Variants in ZNF578 observed in about 807,000 individuals in gnomAD.
ZNF578 encodes zinc finger protein 578.
A neutral mutation model predicts 8.3 loss-of-function variants in ZNF578; 8 were observed. That is an observed-to-expected ratio of 0.96 (90% CI 0.56 to 1.74). ZNF578 has a LOEUF of 1.74. Ranked by LOEUF, ZNF578 falls within the 40% of genes most tolerant of loss-of-function variation. ZNF578 has a pLI of 0.00. For missense variants in ZNF578, 726 were observed against 707.5 expected (o/e 1.03, Z -0.30); for synonymous variants, 206 against 232.2 (o/e 0.89, Z 1.03).
In ZNF578 at chr19:52,511,764, C is replaced by CA. The variant is rs1200693659; in HGVS notation, c.1384dup (p.Arg462LysfsTer10). 1.2e-6 allele frequency: 2 copies of CA among 1,612,990 alleles called. No homozygotes were observed. Among genetic ancestry groups the CA allele is most frequent in the Non-Finnish European group, 1.7e-6 (2 of 1,179,814 alleles). On this transcript the variant is annotated frameshift_variant, in exon 6 of 6. Coordinates refer to ENST00000421239, the MANE Select transcript of ZNF578 (RefSeq NM_001099694.2). LOFTEE classifies it low-confidence loss of function (END_TRUNC). Reference sequence around the variant, plus strand: ...AATCTTACAAATGTGAAGAATGTGACAGAGTTTTCAGTCAGAAATCAAACC... The same window carrying CA: ...AATCTTACAAATGTGAAGAATGTGACAAGAGTTTTCAGTCAGAAATCAAACC...
intron 2 of ZNF578, among the ~76,000 whole-genome samples, chr19:52,459,356 C>T (rs1399295186): frequency 6.6e-6 from 1 of 151,984 alleles, no homozygotes; most frequent in Non-Finnish European, 1.5e-5. Context: ...AGTATTTGTC[C>T]TTTTGTGACT....
At chr19:52,459,769 A>AT (rs1164629700) in intron 2 of ZNF578, among the ~76,000 whole-genome samples, 467 of 17,614 alleles carry the variant, frequency 0.027, 116 homozygotes, top group East Asian at 0.19. Context: ...ATATATATAT[A>AT]TTTTTTTTTT....
chr19:52,471,693 C>T (rs575675335), intron 2 of ZNF578, among the ~76,000 whole-genome samples: 7 of 152,260 alleles, frequency 4.6e-5, no homozygotes, highest in African/African-American at 1.2e-4. Context: ...TCCATAAAGC[C>T]TCATTATGTA....
chr19:52,489,989 G>A (rs1951488576), intron 2 of ZNF578, among the ~76,000 whole-genome samples: 1 of 152,162 alleles, frequency 6.6e-6, no homozygotes, highest in African/African-American at 2.4e-5. Context: ...GACACCATCT[G>A]CAGAAACATC....
chr19:52,481,352 T>A (rs1282351906), intron 2 of ZNF578, among the ~76,000 whole-genome samples: 1 of 152,186 alleles, frequency 6.6e-6, no homozygotes, highest in Admixed American at 6.5e-5. Context: ...AACGCGGGAA[T>A]TAAAGACAAA....
intron 2 of ZNF578, among the ~76,000 whole-genome samples, chr19:52,483,286 A>T (rs1302981627): frequency 2.0e-5 from 3 of 151,916 alleles, no homozygotes; most frequent in Non-Finnish European, 1.5e-5. Context: ...GTGGTGGCGC[A>T]TGCCTGTAAT....
rs1369087314 is a variant in ZNF578, at chr19:52,512,181, A to C, written c.*27A>C. On this transcript the variant is annotated 3_prime_UTR_variant, in exon 6 of 6. Coordinates refer to ENST00000421239, the MANE Select transcript of ZNF578 (RefSeq NM_001099694.2). ...CTTCATACTGGAGAGAAACCTTACAAATGTGAAGCATGTGACAAAGTTTTC... is the reference window on the plus strand; with the variant it reads ...CTTCATACTGGAGAGAAACCTTACACATGTGAAGCATGTGACAAAGTTTTC... 1.9e-6 allele frequency: 3 copies of C among 1,613,834 alleles called. No homozygotes were observed. Among genetic ancestry groups the C allele is most frequent in the Non-Finnish European group, 2.5e-6 (3 of 1,179,944 alleles).
chr19:52,494,386 A>G (rs2059378381), intron 3 of ZNF578, among the ~76,000 whole-genome samples: 1 of 151,990 alleles, frequency 6.6e-6, no homozygotes, highest in Non-Finnish European at 1.5e-5. Flanking sequence ...AATTTCAGCT[A>G]CTCTGTAGGC....
At chr19:52,498,227 GCT>G (rs1283230549) in intron 3 of ZNF578, among the ~76,000 whole-genome samples, 1 of 150,728 alleles carries the variant, frequency 6.6e-6, no homozygotes, top group African/African-American at 2.4e-5. Context: ...CATGATCTCA[GCT>G]CTCTGCAACC....
intron 4 of ZNF578, among the ~76,000 whole-genome samples, chr19:52,503,414 C>G (rs2059414349): frequency 6.6e-6 from 1 of 152,182 alleles, no homozygotes; most frequent in Non-Finnish European, 1.5e-5. Flanking sequence ...GGCGGGATCT[C>G]AGCTCACTGC....
chr19:52,501,629 C>T (rs1041834964), intron 3 of ZNF578, among the ~76,000 whole-genome samples, 198 bp from the exon 4 acceptor site: 3 of 150,552 alleles, frequency 2.0e-5, no homozygotes, highest in Admixed American at 6.6e-5. Flanking sequence ...AGGAGGGGGG[C>T]GAGATCTGAA....
Position 52,514,984 on chromosome 19 carries a change from T to G in ZNF578, c.*2830T>G, listed in dbSNP as rs748825358. Among the ~76,000 whole-genome samples the G allele has an allele frequency of 8.6e-5, 12 of 138,746 alleles. No homozygotes were observed. Among genetic ancestry groups the G allele is most frequent in the Non-Finnish European group, 1.4e-4 (9 of 64,386 alleles). 91.0% of individuals were successfully genotyped at this position (138,746 alleles called of 152,430 possible). On this transcript the variant is annotated 3_prime_UTR_variant, in exon 6 of 6. Transcript: ENST00000421239. ...ACTCTTTTTTTTTTTTTTTTTTAGA[T>G]GGAGTTTTGCTTTTGTTGCTGAGGC... is the stretch of plus-strand genomic sequence containing the variant.
At chr19:52,496,431 G>A (rs1365653514) in intron 3 of ZNF578, among the ~76,000 whole-genome samples, 3 of 142,746 alleles carry the variant, frequency 2.1e-5, no homozygotes, top group South Asian at 2.3e-4. Flanking sequence ...CCGGGTTCAC[G>A]CCATTCTCCT....
At chr19:52,462,009 A>G (rs2059259750) in intron 2 of ZNF578, among the ~76,000 whole-genome samples, 1 of 152,160 alleles carries the variant, frequency 6.6e-6, no homozygotes, top group African/African-American at 2.4e-5. Flanking sequence ...TATCATTCTG[A>G]TTGGTACAAT....
chr19:52,486,136 G>T (rs547041718), intron 2 of ZNF578, among the ~76,000 whole-genome samples: 6 of 152,256 alleles, frequency 3.9e-5, no homozygotes, highest in South Asian at 2.1e-4. Context: ...TGAGACATGC[G>T]GGCAGCAATA....
chr19:52,510,355 T>A (rs1488352277), intron 5 of ZNF578, among the ~76,000 whole-genome samples: 1 of 152,202 alleles, frequency 6.6e-6, no homozygotes, highest in Non-Finnish European at 1.5e-5. Flanking sequence ...CAGTGTTTTG[T>A]CATGATATAG....
rs2059446741 is a variant in ZNF578 at position 52,511,539 on chromosome 19, T to G, written c.1158T>G (p.Leu386=). Residue 386 remains leucine (L), a synonymous_variant, in exon 6 of 6, where the codon CTT becomes CTG. Coordinates refer to ENST00000421239, the MANE Select transcript of ZNF578 (RefSeq NM_001099694.2). ...CGKMFGQNST[L]VIHKAIHTGE... Reference sequence around the variant, plus strand: ...AGATGTTTGGTCAAAATTCAACCCTTGTAATTCATAAGGCAATTCATACTG... The same window carrying G: ...AGATGTTTGGTCAAAATTCAACCCTGGTAATTCATAAGGCAATTCATACTG... The G allele has an allele frequency of 6.2e-7, 1 of 1,613,788 alleles. No homozygotes were observed. The highest frequency in any genetic ancestry group is 8.5e-7 in the Non-Finnish European group (1 of 1,179,750).
At chr19:52,495,267 C>T (rs371570989) in intron 3 of ZNF578, among the ~76,000 whole-genome samples, 6 of 143,390 alleles carry the variant, frequency 4.2e-5, no homozygotes, top group African/African-American at 1.3e-4. Flanking sequence ...AGAGTTGAAG[C>T]GATTCTCCTG....
rs182698499 is a variant in ZNF578, at chr19:52,513,822, C to G, written c.*1668C>G. Among the ~76,000 whole-genome samples the G allele has an allele frequency of 6.6e-6, 1 of 151,424 alleles. No individual in the cohort carries two copies. Among genetic ancestry groups the G allele is most frequent in the Admixed American group, 6.6e-5 (1 of 15,214 alleles). ...GAGTGGATCATCTAAGATCAGAGTT[C>G]AAGAGCACCCTGGCTAACATGGTGA... On this transcript the variant is annotated 3_prime_UTR_variant, in exon 6 of 6. Coordinates refer to ENST00000421239, the MANE Select transcript of ZNF578 (RefSeq NM_001099694.2).
Sources: gnomAD v4.1 joint callset for allele counts (sites outside exome capture counted in the v4.1 genomes callset) on GRCh38, gnomAD v4.1.1 for gene constraint, MANE v1.5 for transcripts, NCBI Gene and HGNC (gene_info 2026-07-23, HGNC 2026-07-21) for gene names.